Variants in RGS9 observed in about 807,000 individuals in gnomAD.
The protein encoded by RGS9 is regulator of G protein signaling 9, also known as regulator of G-protein signalling 9.
RGS9 carries 78 observed loss-of-function variants against 102.0 expected under a neutral mutation model. The ratio of observed to expected loss-of-function variants is 0.76; its 90% CI spans 0.64 to 0.92. The LOEUF (loss-of-function observed/expected upper bound fraction) is 0.92, where lower values mean the gene tolerates loss of function less well. Ranked by LOEUF, RGS9 falls within the 40% of genes least tolerant of loss-of-function variation. The pLI, the probability that RGS9 is intolerant of heterozygous loss-of-function variation, is 0.00. For missense variants in RGS9, 833 were observed against 866.1 expected (o/e 0.96, Z 0.48); for synonymous variants, 353 against 318.6 (o/e 1.11, Z -1.15).
At chr17:65,226,914 A>G (rs8078045) in intron 18 of RGS9, among the ~76,000 whole-genome samples, 11,089 of 152,056 alleles carry the variant, frequency 0.073, 1,365 homozygotes, top group African/African-American at 0.25. Flanking sequence ...AGTGCCCAGC[A>G]CCCATGAAGT....
At chr17:65,197,086 A>T in intron 12 of RGS9, 40 bp from the exon 13 acceptor site, 8 of 1,488,980 alleles carry the variant, frequency 5.4e-6, no homozygotes, top group Non-Finnish European at 6.5e-6. Context: ...ACCTGTCACA[A>T]CCGCTACCTC....
At chr17:65,170,556 C>G (rs1469205337) in intron 8 of RGS9, among the ~76,000 whole-genome samples, 4 of 152,186 alleles carry the variant, frequency 2.6e-5, no homozygotes, top group East Asian at 3.8e-4. Flanking sequence ...GCACTTCTGC[C>G]TCTCATGACA....
chr17:65,210,753 G>T, intron 17 of RGS9, 148 bp downstream of exon 17: 2 of 1,371,138 alleles, frequency 1.5e-6, no homozygotes, highest in African/African-American at 1.4e-5. Flanking sequence ...TTCCCCATTT[G>T]TGGAGGTCAT....
Position 65,163,007 on chromosome 17 carries a change from C to T in RGS9, c.424-6C>T. 1 of 1,511,206 alleles carries T rather than the reference C, an allele frequency of 6.6e-7. No individual in the cohort carries two copies. Among genetic ancestry groups the T allele is most frequent in the Non-Finnish European group, 9.2e-7 (1 of 1,088,686 alleles). 93.6% of individuals were successfully genotyped at this position (1,511,206 alleles called of 1,614,324 possible). ...TTTCTGTTCTCATTTTGTTTTTCTT[C>T]TTTAGGAAAATTACAATTTCTTGAA... On this transcript the variant is annotated splice_region_variant and splice_polypyrimidine_tract_variant and intron_variant, in intron 6 of 18. Transcript: ENST00000262406.
chr17:65,173,585 C>T lies in RGS9; in HGVS notation c.583-4147C>T, dbSNP rs1466875904. On this transcript the variant is annotated intron_variant, in intron 8 of 18. Transcript: ENST00000262406. The surrounding 1 kb of genome is among the most constrained non-coding windows in gnomAD (Gnocchi z 4.8). ...TCATACCCTGGTGTTCACAGTTCCT[C>T]AGGGTGGAGGAGGGGAGCTTGCATG... is the stretch of plus-strand genomic sequence containing the variant. 5.3e-5 allele frequency among the ~76,000 whole-genome samples: 8 copies of T among 152,228 alleles called. No homozygotes were observed. The highest frequency in any genetic ancestry group is 1.3e-4 in the Admixed American group (2 of 15,288).
chr17:65,158,195 C>A, intron 2 of RGS9, 100 bp from the exon 3 acceptor site: 1 of 1,086,134 alleles, frequency 9.2e-7, no homozygotes, highest in Middle Eastern at 2.2e-4. Flanking sequence ...GGAATGAAAT[C>A]GCAGCTGAAC....
At chr17:65,156,174 C>A (rs1910760116) in intron 2 of RGS9, among the ~76,000 whole-genome samples, 2 of 152,170 alleles carry the variant, frequency 1.3e-5, no homozygotes, top group South Asian at 4.1e-4. Context: ...AGGCACCCAC[C>A]ACCACATCCA....
intron 12 of RGS9, among the ~76,000 whole-genome samples, chr17:65,195,870 G>T (rs1353974215): frequency 6.6e-6 from 1 of 152,238 alleles, no homozygotes; most frequent in Non-Finnish European, 1.5e-5. Flanking sequence ...TTCCCAGTGT[G>T]GGCCCTGGAC....
rs1910659258 is a variant in RGS9, at chr17:65,153,504, C to T, written c.140C>T (p.Pro47Leu). 7 of 1,613,928 alleles carry T rather than the reference C, an allele frequency of 4.3e-6. No individual in the cohort carries two copies. Among genetic ancestry groups the T allele is most frequent in the Non-Finnish European group, 5.9e-6 (7 of 1,179,748 alleles). ...CAGAGGGTCCTGGTCACCAGCGTTC[C>T]TCATGCCATGACAGGTGATGTAGCT... ...QNQRVLVTSVPHAMTGSDVLQ... is the reference protein window; with the variant it reads ...QNQRVLVTSVLHAMTGSDVLQ... The change falls in exon 2 of 19, where the codon CCT becomes CTT. Residue 47 changes from proline to leucine, a missense_variant. By Grantham distance (98) the Pro-to-Leu change is moderately conservative. Around this residue, in one of 3 missense-constraint regions of RGS9, gnomAD observed 328 missense variants for 340.6 expected, o/e 0.96. Transcript: ENST00000262406.
At chr17:65,212,715 C>T (rs1913350911) in intron 17 of RGS9, among the ~76,000 whole-genome samples, 1 of 152,208 alleles carries the variant, frequency 6.6e-6, no homozygotes, top group South Asian at 2.1e-4. Context: ...GGGACACTTA[C>T]ACTTTCCATT....
chr17:65,158,905 C>T lies in RGS9; in HGVS notation c.205+560C>T, dbSNP rs148703213. ...AGCTAGGGTGCCTCGCAGTGTCAGG[C>T]CTCTGAGCCCAAGCTAAGCCATCAT... On this transcript the variant is annotated intron_variant, in intron 3 of 18. Coordinates refer to ENST00000262406, the MANE Select transcript of RGS9 (RefSeq NM_003835.4). 7.0e-4 allele frequency: 167 copies of T among 238,106 alleles called. 1 individual carries two copies. Among genetic ancestry groups the T allele is most frequent in the African/African-American group, 3.6e-3 (160 of 44,590 alleles). The allele number at this position is 238,106 out of a possible 1,614,324, so 14.7% of individuals were successfully genotyped here. A position where few individuals can be genotyped will look rare whatever the true frequency, so the allele number is the denominator to read the frequency against.
chr17:65,177,637 C>T (rs941021430), intron 8 of RGS9, 95 bp from the exon 9 acceptor site: 15 of 1,211,106 alleles, frequency 1.2e-5, no homozygotes, highest in South Asian at 2.4e-5. Context: ...CTTCTCAGCT[C>T]AATCTCACAA....
rs557181514 is a variant in RGS9, at chr17:65,177,746, T to C, written c.597T>C (p.Asn199=). 33 of 1,614,114 alleles carry C rather than the reference T, an allele frequency of 2.0e-5. No individual in the cohort carries two copies. Among genetic ancestry groups the C allele is most frequent in the South Asian group, 5.5e-5 (5 of 91,086 alleles). ...ATTCCATTTAGCCTGGAATGGACAA[T>C]GTGCTGGACTACGGCCTGGACCGAG... The part of the protein sequence containing the change: ...LVHRCPPGMD[N]VLDYGLDRVT... Residue 199 remains asparagine (N), a synonymous_variant, in exon 9 of 19, where the codon AAT becomes AAC. Transcript: ENST00000262406.
Position 65,173,960 on chromosome 17 carries a change from G to C in RGS9, c.583-3772G>C, listed in dbSNP as rs1911517231. On this transcript the variant is annotated intron_variant, in intron 8 of 18. Coordinates refer to ENST00000262406, the MANE Select transcript of RGS9 (RefSeq NM_003835.4). This position sits in a 1 kb window ranked among gnomAD's most constrained non-coding sequence, Gnocchi z 4.8. ...CCACAGCTTGATTGGGAACAACTGAGACTTAAGGGCTGCTGCCCACAGAGG... is the reference window on the plus strand; with the variant it reads ...CCACAGCTTGATTGGGAACAACTGACACTTAAGGGCTGCTGCCCACAGAGG... Among the ~76,000 whole-genome samples, 1 of 152,242 alleles carries C rather than the reference G, an allele frequency of 6.6e-6. No individual in the cohort carries two copies. Among genetic ancestry groups the C allele is most frequent in the Non-Finnish European group, 1.5e-5 (1 of 68,044 alleles).
chr17:65,213,570 G>T (rs907152808), intron 17 of RGS9, among the ~76,000 whole-genome samples: 1 of 151,594 alleles, frequency 6.6e-6, no homozygotes, highest in African/African-American at 2.4e-5. Context: ...TGGTGAGTGT[G>T]GTGGTGAGGG....
chr17:65,190,844 A>G (rs1315936045), intron 11 of RGS9, among the ~76,000 whole-genome samples: 1 of 152,092 alleles, frequency 6.6e-6, no homozygotes, highest in Non-Finnish European at 1.5e-5. Context: ...TAACTCTGGG[A>G]TTTTCCTGCA....
intron 7 of RGS9, among the ~76,000 whole-genome samples, chr17:65,165,823 G>A (rs1911158616): frequency 6.6e-6 from 1 of 152,168 alleles, no homozygotes; most frequent in Non-Finnish European, 1.5e-5. Flanking sequence ...CTTCCTCAAA[G>A]AGGCTTTTCT....
chr17:65,172,197 GTGTTTTTTGTTTGTTTGT>G (rs1475506457), intron 8 of RGS9, among the ~76,000 whole-genome samples: 1 of 152,168 alleles, frequency 6.6e-6, no homozygotes, highest in Non-Finnish European at 1.5e-5. Context: ...GACATACAAT[GTGTTTTTTGTTTGTTTGT>G]TGTTTTTTGT....
intron 9 of RGS9, among the ~76,000 whole-genome samples, chr17:65,186,988 GC>G (rs1370336487): frequency 6.6e-6 from 1 of 152,120 alleles, no homozygotes; most frequent in Non-Finnish European, 1.5e-5. Flanking sequence ...GTCCACTCTG[GC>G]CCCAGGGTCC....
Sources: allele counts gnomAD v4.1 joint callset (sites outside exome capture counted in the v4.1 genomes callset), GRCh38; gene constraint gnomAD v4.1.1; regional missense constraint gnomAD v4.1.1; non-coding constraint Gnocchi (gnomAD v3.1); transcripts MANE v1.5; gene names NCBI Gene and HGNC (gene_info 2026-07-23, HGNC 2026-07-21).